AUTS2: variants seen among roughly 807,000 people sequenced by gnomAD.
AUTS2 encodes the protein autism susceptibility gene 2 protein.
A neutral mutation model predicts 112.4 loss-of-function variants in AUTS2; 17 were observed. The ratio of observed to expected loss-of-function variants is 0.15; its 90% CI spans 0.10 to 0.23. The LOEUF is 0.23. AUTS2 is among the 10% of genes least tolerant of loss of function. The pLI is 1.00. For synonymous variants in AUTS2, 751 were observed against 702.7 expected, an observed-to-expected ratio of 1.07 and a Z score of -1.09; for missense variants, 1,510 against 1,701.6, an observed-to-expected ratio of 0.89 and a Z score of 1.98.
At chr7:70,687,764 A>G (rs1808544223) in intron 5 of AUTS2, among the ~76,000 whole-genome samples, 1 of 152,164 alleles carries the variant, frequency 6.6e-6, no homozygotes, top group African/African-American at 2.4e-5. Flanking sequence ...CATTTTCAGA[A>G]TCACCCATTC....
intron 1 of AUTS2, among the ~76,000 whole-genome samples, chr7:69,728,034 TA>T (rs1359101951): frequency 6.6e-6 from 1 of 152,124 alleles, no homozygotes; most frequent in African/African-American, 2.4e-5. Context: ...TGTGGTACAC[TA>T]AAGAAGATAC....
chr7:70,578,334 G>C (rs376297349), intron 5 of AUTS2, among the ~76,000 whole-genome samples: 17 of 152,202 alleles, frequency 1.1e-4, no homozygotes, highest in African/African-American at 3.9e-4. Context: ...GGCCATGAAG[G>C]CATCAAAGGC....
intron 5 of AUTS2, among the ~76,000 whole-genome samples, chr7:70,467,033 G>C (rs928432261): frequency 2.6e-5 from 4 of 152,194 alleles, no homozygotes; most frequent in African/African-American, 9.6e-5. Flanking sequence ...TGATGGAAGA[G>C]AATGTAAAAC....
intron 1 of AUTS2, among the ~76,000 whole-genome samples, chr7:69,671,292 T>C (rs577592112): frequency 6.6e-6 from 1 of 152,340 alleles, no homozygotes; most frequent in South Asian, 2.1e-4. Context: ...TTGCATAACC[T>C]TGGGCAAATC....
At chr7:69,613,082 G>A (rs780331344) in intron 1 of AUTS2, among the ~76,000 whole-genome samples, 1 of 152,200 alleles carries the variant, frequency 6.6e-6, no homozygotes, top group Non-Finnish European at 1.5e-5. Flanking sequence ...AGAAACTGAA[G>A]CACAGAGCCG....
At chr7:70,554,418 C>T (rs1400617598) in intron 5 of AUTS2, among the ~76,000 whole-genome samples, 5 of 107,754 alleles carry the variant, frequency 4.6e-5, no homozygotes, top group Admixed American at 3.7e-4. Flanking sequence ...TTTTTTGAAA[C>T]GAGGTCATGC....
rs144474218 is a variant in AUTS2 at position 69,718,851 on chromosome 7, A to G, written c.309+118889A>G. ...CCTCTATTAATTCTTTGCAAAATAA[A>G]TTGTTACCTATGAATGTGTCTTGTG... On this transcript the variant is annotated intron_variant, in intron 1 of 18. Transcript: ENST00000342771. 3.3e-3 allele frequency among the ~76,000 whole-genome samples: 501 copies of G among 152,266 alleles called. 2 individuals are homozygous for G. Among genetic ancestry groups the G allele is most frequent in the African/African-American group, 0.012 (482 of 41,554 alleles).
At chr7:70,157,393 C>G (rs1249989205) in intron 4 of AUTS2, among the ~76,000 whole-genome samples, 1 of 152,204 alleles carries the variant, frequency 6.6e-6, no homozygotes, top group Non-Finnish European at 1.5e-5. Context: ...ATCCTCCTAT[C>G]TCAGCCTCCC....
At chr7:69,918,876 T>A (rs532496846) in intron 2 of AUTS2, among the ~76,000 whole-genome samples, 2 of 152,248 alleles carry the variant, frequency 1.3e-5, no homozygotes, top group East Asian at 1.9e-4. Flanking sequence ...AAAGCTTTTT[T>A]TAAACAATAT....
chr7:70,042,707 G>A (rs1801301324), intron 2 of AUTS2, among the ~76,000 whole-genome samples: 1 of 152,086 alleles, frequency 6.6e-6, no homozygotes. Flanking sequence ...TTAGCCCAGG[G>A]TCACCAGTGA....
intron 5 of AUTS2, among the ~76,000 whole-genome samples, chr7:70,472,316 G>A (rs1027125963): frequency 2.0e-5 from 3 of 151,740 alleles, no homozygotes; most frequent in Non-Finnish European, 4.4e-5. Flanking sequence ...TATATCAGCA[G>A]GCAAGTTGTT....
chr7:70,740,709 T>A (rs1788051480), intron 6 of AUTS2, among the ~76,000 whole-genome samples: 1 of 152,160 alleles, frequency 6.6e-6, no homozygotes, highest in Non-Finnish European at 1.5e-5. Flanking sequence ...TTATATAAAG[T>A]AATAAATGTG....
chr7:70,441,687 T>C (rs1212436097), intron 5 of AUTS2, among the ~76,000 whole-genome samples: 1 of 152,208 alleles, frequency 6.6e-6, no homozygotes, highest in African/African-American at 2.4e-5. Context: ...ATGCCTGGTG[T>C]TCATTTTTAA....
chr7:70,727,950 A>G (rs998076769), intron 6 of AUTS2, among the ~76,000 whole-genome samples: 3 of 152,198 alleles, frequency 2.0e-5, no homozygotes, highest in Non-Finnish European at 4.4e-5. Context: ...AGATTCTTCT[A>G]TGTTCCCCTC....
chr7:69,648,309 A>G (rs1443155266), intron 1 of AUTS2, among the ~76,000 whole-genome samples: 1 of 152,172 alleles, frequency 6.6e-6, no homozygotes, highest in Non-Finnish European at 1.5e-5. Flanking sequence ...TCATGTACTC[A>G]TCACCCTGCT....
At chr7:70,461,596 T>C (rs946408119) in intron 5 of AUTS2, among the ~76,000 whole-genome samples, 1 of 152,220 alleles carries the variant, frequency 6.6e-6, no homozygotes, top group Non-Finnish European at 1.5e-5. Context: ...TAGTAATCGC[T>C]AACATTGAGA....
intron 5 of AUTS2, among the ~76,000 whole-genome samples, chr7:70,666,943 A>G (rs1040292894): frequency 6.7e-6 from 1 of 150,074 alleles, no homozygotes. Context: ...TGAAGGGAGC[A>G]GGGAGCTGTG....
At chr7:70,756,808 C>A (rs73706469) in intron 6 of AUTS2, among the ~76,000 whole-genome samples, 2,720 of 152,304 alleles carry the variant, frequency 0.018, 72 homozygotes, top group African/African-American at 0.062. Context: ...ACAGTCCCTG[C>A]ATTCCTGGAA....
intron 4 of AUTS2, among the ~76,000 whole-genome samples, chr7:70,378,814 G>A (rs766549309): frequency 3.3e-5 from 5 of 152,184 alleles, no homozygotes; most frequent in Admixed American, 2.6e-4. Context: ...AGCTTTAAAA[G>A]TGCTATACAT....
Sources: gnomAD v4.1 joint callset for allele counts (sites outside exome capture counted in the v4.1 genomes callset) on GRCh38, gnomAD v4.1.1 for gene constraint, MANE v1.5 for transcripts, NCBI Gene and HGNC (gene_info 2026-07-23, HGNC 2026-07-21) for gene names.